The following EPB41L5 variants were observed in gnomAD, a reference collection of about 807,000 sequenced individuals.
EPB41L5 encodes the protein band 4.1-like protein 5.
Under a neutral mutation model 106.6 loss-of-function variants are expected in EPB41L5, and 55 were observed. That is an observed-to-expected ratio of 0.52 (90% CI 0.42 to 0.65). The LOEUF is 0.65. Among genes scored for constraint, EPB41L5 ranks in the 30% least tolerant of loss-of-function variants. EPB41L5 has a pLI of 0.00. For missense variants in EPB41L5, 871 were observed against 882.1 expected, an observed-to-expected ratio of 0.99 and a Z score of 0.16; for synonymous variants, 297 against 306.7, an observed-to-expected ratio of 0.97 and a Z score of 0.33.
Position 120,129,490 on chromosome 2 carries a change from A to C in EPB41L5, c.1501+1639A>C, listed in dbSNP as rs558613062. ...GAGTATTTCCAGGGTTAAAAATAAA[A>C]ACAGTCTCCTTTATAGAGATGGCAG... On this transcript the variant is annotated intron_variant, in intron 17 of 24. Coordinates refer to ENST00000263713, the MANE Select transcript of EPB41L5 (RefSeq NM_020909.4). 1.4e-3 allele frequency among the ~76,000 whole-genome samples: 217 copies of C among 152,326 alleles called. 1 individual carries two copies. Among genetic ancestry groups the C allele is most frequent in the Middle Eastern group, 6.8e-3 (2 of 294 alleles).
chr2:120,024,628 G>T (rs1282288702), intron 2 of EPB41L5, among the ~76,000 whole-genome samples: 2 of 151,904 alleles, frequency 1.3e-5, no homozygotes, highest in Non-Finnish European at 2.9e-5. Context: ...GGCTAATTCT[G>T]TTTTTGTATT....
chr2:120,100,924 A>G lies in EPB41L5; in HGVS notation c.1337+110A>G, dbSNP rs2105398202. ...ATATGATTGAAAGCAAATTATTCAT[A>G]TTTGTGAGCTGGAAAGCTTATTATT... is the stretch of plus-strand genomic sequence containing the variant. On this transcript the variant is annotated intron_variant, in intron 16 of 24. Coordinates refer to ENST00000263713, the MANE Select transcript of EPB41L5 (RefSeq NM_020909.4). 5.6e-6 allele frequency: 4 copies of G among 709,558 alleles called. No homozygotes were observed. The East Asian group carries it at 1.1e-4, about 20-fold the overall frequency. The allele number at this position is 709,558 out of a possible 1,614,324, so 44.0% of individuals were successfully genotyped here. A position where few individuals can be genotyped will look rare whatever the true frequency, so the allele number is the denominator to read the frequency against.
At chr2:120,098,261 A>G (rs1683900874) in intron 14 of EPB41L5, among the ~76,000 whole-genome samples, 1 of 150,726 alleles carries the variant, frequency 6.6e-6, no homozygotes, top group African/African-American at 2.4e-5. Context: ...CCAGGCTGCA[A>G]TGCAGTGGCA....
At chr2:120,016,813 A>G (rs555375026) in intron 1 of EPB41L5, among the ~76,000 whole-genome samples, 11 of 152,174 alleles carry the variant, frequency 7.2e-5, no homozygotes, top group African/African-American at 2.7e-4. Flanking sequence ...GATAACAAGT[A>G]CAGTCTTAGG....
chr2:120,059,917 C>G (rs777159670), intron 3 of EPB41L5, among the ~76,000 whole-genome samples: 11 of 152,070 alleles, frequency 7.2e-5, no homozygotes, highest in Non-Finnish European at 1.5e-4. Context: ...CTCAGCTCAA[C>G]AATTAGAAAG....
intron 16 of EPB41L5, among the ~76,000 whole-genome samples, chr2:120,102,530 G>A (rs564460756): frequency 6.6e-6 from 1 of 152,154 alleles, no homozygotes; most frequent in Non-Finnish European, 1.5e-5. Context: ...TCTTTTTTCT[G>A]CATGCTTTGA....
intron 2 of EPB41L5, among the ~76,000 whole-genome samples, chr2:120,021,069 C>A (rs1281930574): frequency 6.6e-6 from 1 of 152,226 alleles, no homozygotes; most frequent in South Asian, 2.1e-4. Context: ...CAGCCAGGTG[C>A]AGTGGCTTAT....
At chr2:120,164,965 TC>T (rs1687325450) in intron 22 of EPB41L5, 55 bp downstream of exon 22, 1 of 1,307,324 alleles carries the variant, frequency 7.6e-7, no homozygotes, top group African/African-American at 1.5e-5. Flanking sequence ...TGAAAAATGT[TC>T]CTGCTAGATT....
At chr2:120,014,256 C>T (rs1035775273) in intron 1 of EPB41L5, among the ~76,000 whole-genome samples, 4 of 152,136 alleles carry the variant, frequency 2.6e-5, no homozygotes, top group African/African-American at 9.7e-5. Flanking sequence ...TAACCAACTT[C>T]TGATAGGATT....
In EPB41L5 at chr2:120,077,315, A is replaced by C. The variant is rs1443077364; in HGVS notation, c.713A>C (p.Lys238Thr). 6.2e-7 allele frequency: 1 copy of C among 1,608,034 alleles called. No individual in the cohort carries two copies. Among genetic ancestry groups the C allele is most frequent in the Non-Finnish European group, 8.5e-7 (1 of 1,177,162 alleles). Residue 238 changes from lysine to threonine, a missense_variant and splice_region_variant, in exon 9 of 25, where the codon AAG (lysine) becomes ACG (threonine). Transcript: ENST00000263713. ...TATGGGGTTGATATGCATGTGGTCA[A>C]GGTAAGCATTGTGTTGTGATGCTTT... ...EMYGVDMHVV[K>T]ARDGNDYSLG...
At chr2:120,067,177 G>A (rs763429703) in intron 3 of EPB41L5, among the ~76,000 whole-genome samples, 2 of 152,158 alleles carry the variant, frequency 1.3e-5, no homozygotes. Flanking sequence ...AGAAAATATT[G>A]CATAGCATTT....
chr2:120,112,320 G>A (rs775298111), intron 16 of EPB41L5, among the ~76,000 whole-genome samples: 4 of 152,130 alleles, frequency 2.6e-5, no homozygotes, highest in African/African-American at 9.7e-5. Context: ...CAGAATGTAC[G>A]CTCCGTTAAG....
intron 16 of EPB41L5, chr2:120,105,776 T>G (rs1390997931): frequency 1.0e-6 from 1 of 985,262 alleles, no homozygotes; most frequent in Non-Finnish European, 1.2e-6. Context: ...AGACTTTACA[T>G]AGCTCAGATG....
chr2:120,031,913 A>T (rs1338660835), intron 2 of EPB41L5, among the ~76,000 whole-genome samples: 1 of 152,080 alleles, frequency 6.6e-6, no homozygotes. Context: ...GGGTAGGAGG[A>T]TTGCTTGAGG....
intron 16 of EPB41L5, among the ~76,000 whole-genome samples, chr2:120,118,867 G>A (rs538905530): frequency 5.3e-5 from 8 of 152,286 alleles, no homozygotes; most frequent in Non-Finnish European, 1.0e-4. Context: ...TGGGATCAGT[G>A]GGTCAAATGG....
chr2:120,087,107 AT>A, intron 10 of EPB41L5, 63 bp from the exon 11 acceptor site: 3 of 1,044,458 alleles, frequency 2.9e-6, no homozygotes, highest in Non-Finnish European at 2.9e-6. Flanking sequence ...AATAAAAACA[AT>A]TTTTTTCATA....
chr2:120,105,694 C>G, intron 16 of EPB41L5: 1 of 985,396 alleles, frequency 1.0e-6, no homozygotes, highest in Non-Finnish European at 1.2e-6. Context: ...GCCCGGCTCC[C>G]ACCTCTTTAA....
intron 3 of EPB41L5, among the ~76,000 whole-genome samples, chr2:120,058,113 A>G (rs916089444): frequency 6.6e-6 from 1 of 152,162 alleles, no homozygotes; most frequent in Non-Finnish European, 1.5e-5. Flanking sequence ...AAGAAGAAAT[A>G]TGGTTTCTCT....
intron 20 of EPB41L5, among the ~76,000 whole-genome samples, chr2:120,159,741 T>C (rs1687064287): frequency 6.6e-6 from 1 of 152,066 alleles, no homozygotes; most frequent in Non-Finnish European, 1.5e-5. Context: ...AGCCCAGAAA[T>C]AGTGCCACAC....
Sources: gnomAD v4.1 joint callset for allele counts (sites outside exome capture counted in the v4.1 genomes callset) on GRCh38, gnomAD v4.1.1 for gene constraint, MANE v1.5 for transcripts, NCBI Gene and HGNC (gene_info 2026-07-23, HGNC 2026-07-21) for gene names.